The following RRM2B variants were observed in gnomAD, a reference collection of about 807,000 sequenced individuals.
The protein encoded by RRM2B is ribonucleotide reductase regulatory TP53 inducible subunit M2B, also known as ribonucleoside-diphosphate reductase subunit M2 B.
In RRM2B, 20 loss-of-function variants were observed where a neutral mutation model predicts 45.9. The observed-to-expected ratio is 0.44, with a 90% CI of 0.31 to 0.63. The LOEUF (loss-of-function observed/expected upper bound fraction) is 0.63, where lower values mean the gene tolerates loss of function less well. Ranked by LOEUF, RRM2B falls within the 30% of genes least tolerant of loss-of-function variation. The pLI is 0.09. For synonymous variants in RRM2B, 124 were observed against 132.3 expected (o/e 0.94, Z 0.43); for missense variants, 320 against 414.7 (o/e 0.77, Z 1.98).
At chr8:102,214,197 A>G (rs750691136) in intron 6 of RRM2B, 39 bp from the exon 7 acceptor site, 1 of 1,385,514 alleles carries the variant, frequency 7.2e-7, no homozygotes, top group Admixed American at 1.7e-5. Flanking sequence ...AATAACTTTT[A>G]ATCAGCTATT....
At chr8:102,214,746 A>C (rs1017364589) in intron 6 of RRM2B, among the ~76,000 whole-genome samples, 2 of 150,190 alleles carry the variant, frequency 1.3e-5, no homozygotes, top group Non-Finnish European at 3.0e-5. Flanking sequence ...GCAAAACCCA[A>C]TCTCTACAAA....
chr8:102,227,380 C>T (rs888248228), intron 2 of RRM2B, among the ~76,000 whole-genome samples: 2 of 152,170 alleles, frequency 1.3e-5, no homozygotes, highest in African/African-American at 4.8e-5. Flanking sequence ...TCACTACAGT[C>T]TCTGCCTCCT....
chr8:102,219,058 T>C (rs1810783346), intron 5 of RRM2B, 111 bp from the exon 6 acceptor site: 1 of 1,191,916 alleles, frequency 8.4e-7, no homozygotes, highest in Non-Finnish European at 1.2e-6. Context: ...AGAAACAAAA[T>C]ACACAAGTTA....
At chr8:102,209,420 C>T (rs1041680805) in intron 8 of RRM2B, among the ~76,000 whole-genome samples, 1 of 152,094 alleles carries the variant, frequency 6.6e-6, no homozygotes, top group African/African-American at 2.4e-5. Context: ...ACATGCAAAT[C>T]AAGATCACAA....
intron 6 of RRM2B, among the ~76,000 whole-genome samples, chr8:102,215,892 C>T (rs1810721076): frequency 7.0e-6 from 1 of 143,860 alleles, no homozygotes; most frequent in Admixed American, 7.4e-5. Flanking sequence ...CTACAGTGAG[C>T]CAGGATCATA....
intron 5 of RRM2B, among the ~76,000 whole-genome samples, chr8:102,221,243 T>C (rs1235026723): frequency 6.6e-6 from 1 of 152,206 alleles, no homozygotes; most frequent in Non-Finnish European, 1.5e-5. Context: ...AAAGAAATAT[T>C]CTTAGTTTCT....
chr8:102,238,684 G>T, intron 1 of RRM2B, 143 bp downstream of exon 1: 1 of 1,548,606 alleles, frequency 6.5e-7, no homozygotes, highest in South Asian at 1.2e-5. Flanking sequence ...CGCTCGCAAC[G>T]ACGAAGCCAG....
At chr8:102,237,331 T>A (rs1446653467) in intron 1 of RRM2B, among the ~76,000 whole-genome samples, 2 of 152,258 alleles carry the variant, frequency 1.3e-5, no homozygotes, top group Admixed American at 1.3e-4. Flanking sequence ...AGTCTATCTA[T>A]GGACCCTTTA....
intron 6 of RRM2B, among the ~76,000 whole-genome samples, chr8:102,216,334 A>G (rs1230287324): frequency 1.3e-5 from 2 of 152,142 alleles, no homozygotes; most frequent in African/African-American, 4.8e-5. Flanking sequence ...TAAAGGTTAA[A>G]AAACCAAGAA....
chr8:102,209,058 G>A (rs542731426), intron 8 of RRM2B, among the ~76,000 whole-genome samples: 2 of 152,268 alleles, frequency 1.3e-5, no homozygotes, highest in African/African-American at 4.8e-5. Context: ...GCTGAGGCAG[G>A]AGAATTGCTT....
Position 102,218,831 on chromosome 8 carries a change from G to A in RRM2B, c.667C>T (p.Leu223Phe), listed in dbSNP as rs1355795350. 3 of 1,612,772 alleles carry A rather than the reference G, an allele frequency of 1.9e-6. No homozygotes were observed. Among genetic ancestry groups the A allele is most frequent in the South Asian group, 2.2e-5 (2 of 91,050 alleles). The change falls in exon 6 of 9, where the codon CTC becomes TTC. Residue 223 changes from leucine to phenylalanine, a missense_variant. Leu to Phe is a conservative substitution (Grantham distance 22). Around this residue, in one of 3 missense-constraint regions of RRM2B, gnomAD observed 225 missense variants for 289.4 expected, o/e 0.78. Coordinates refer to ENST00000251810, the MANE Select transcript of RRM2B (RefSeq NM_015713.5). ...LMPGLTFSNELISRDEGLHCD... is the reference protein window; with the variant it reads ...LMPGLTFSNEFISRDEGLHCD... ...TTCCTTACTTCATCTCTGCTGATGA[G>A]TTCATTGGAAAAAGTGAGTCCTGGC...
At chr8:102,237,072 C>G (rs1250632404) in intron 1 of RRM2B, among the ~76,000 whole-genome samples, 1 of 152,204 alleles carries the variant, frequency 6.6e-6, no homozygotes, top group East Asian at 1.9e-4. Flanking sequence ...CCCACAAAGT[C>G]TGACGGAACC....
intron 6 of RRM2B, among the ~76,000 whole-genome samples, chr8:102,217,368 A>G (rs1310751901): frequency 6.6e-6 from 1 of 152,182 alleles, no homozygotes; most frequent in Non-Finnish European, 1.5e-5. Flanking sequence ...TATTCTCTCA[A>G]TTCTCTATAA....
chr8:102,236,588 T>G (rs527326066), intron 1 of RRM2B, among the ~76,000 whole-genome samples: 52 of 152,242 alleles, frequency 3.4e-4, no homozygotes, highest in Middle Eastern at 3.4e-3. Context: ...GGGAGTTTTT[T>G]GGGGGACACA....
intron 2 of RRM2B, among the ~76,000 whole-genome samples, chr8:102,227,723 A>G (rs1191259103): frequency 6.6e-6 from 1 of 152,218 alleles, no homozygotes; most frequent in Non-Finnish European, 1.5e-5. Flanking sequence ...TGGAAGCTGA[A>G]AGCCCAAGAT....
chr8:102,233,175 C>T (rs1811062532), intron 1 of RRM2B, among the ~76,000 whole-genome samples: 1 of 152,246 alleles, frequency 6.6e-6, no homozygotes, highest in Admixed American at 6.5e-5. Context: ...GTCTCTCTCT[C>T]TACTGTGACA....
At position 102,206,499 on chromosome 8, in the gene RRM2B, A is replaced by G. The variant is rs1307358376; in HGVS notation, c.*1634T>C. Reference sequence around the variant, plus strand: ...GTTATGGCCTGCTCCTTTTGCATTCACTTGAGAACTCCCAGTTTTGATTAG... The same window carrying G: ...GTTATGGCCTGCTCCTTTTGCATTCGCTTGAGAACTCCCAGTTTTGATTAG... On this transcript the variant is annotated 3_prime_UTR_variant, in exon 9 of 9. Transcript: ENST00000251810. The G allele has an allele frequency of 2.0e-5, 3 of 152,192 alleles. No individual in the cohort carries two copies. The highest frequency in any genetic ancestry group is 4.8e-5 in the African/African-American group (2 of 41,444). The allele number at this position is 152,192 out of a possible 1,614,324, so 9.4% of individuals were successfully genotyped here. A position where few individuals can be genotyped will look rare whatever the true frequency, so the allele number is the denominator to read the frequency against.
intron 1 of RRM2B, among the ~76,000 whole-genome samples, chr8:102,235,813 A>G (rs527380331): frequency 1.3e-5 from 2 of 152,310 alleles, no homozygotes; most frequent in South Asian, 4.1e-4. Flanking sequence ...TATGTACTCC[A>G]GCCTGGTGAC....
rs139297520 is a variant in RRM2B at position 102,238,866 on chromosome 8, G to C, written c.9C>G (p.Asp3Glu). 5 of 1,612,230 alleles carry C rather than the reference G, an allele frequency of 3.1e-6. No homozygotes were observed. In the African/African-American group the frequency reaches 5.3e-5, roughly 17 times the overall value. MG[D>E]PERPEAAGLD... Reference sequence around the variant, plus strand: ...GCCCGGCCGCTTCCGGCCTTTCCGGGTCGCCCATCGCGCAGACTCCGCCGA... The same window carrying C: ...GCCCGGCCGCTTCCGGCCTTTCCGGCTCGCCCATCGCGCAGACTCCGCCGA... The change falls in exon 1 of 9, where the codon GAC becomes GAG. Residue 3 changes from aspartate to glutamate, a missense_variant. Physicochemically the swap from Asp to Glu is conservative, Grantham distance 45. This residue lies in a region of RRM2B where 48 missense variants were observed against 35.3 expected (regional missense o/e 1.36). Transcript: ENST00000251810.
Sources: gnomAD v4.1 joint callset for allele counts (sites outside exome capture counted in the v4.1 genomes callset) on GRCh38, gnomAD v4.1.1 for gene constraint, gnomAD v4.1.1 regional missense constraint, MANE v1.5 for transcripts, NCBI Gene and HGNC (gene_info 2026-07-23, HGNC 2026-07-21) for gene names.